Variants in ABLIM3 observed in about 807,000 individuals in gnomAD.
The protein encoded by ABLIM3 is actin binding LIM protein family member 3.
ABLIM3 carries 61 observed loss-of-function variants against 109.5 expected under a neutral mutation model. The ratio of observed to expected loss-of-function variants is 0.56; its 90% CI spans 0.45 to 0.69. The LOEUF is 0.69. Ranked by LOEUF, ABLIM3 falls within the 30% of genes least tolerant of loss-of-function variation. The pLI is 0.00. For missense variants in ABLIM3, 796 were observed against 889.5 expected (o/e 0.89, Z 1.34); for synonymous variants, 300 against 324.8 (o/e 0.92, Z 0.82).
At chr5:149,252,136 G>A in intron 21 of ABLIM3, 65 bp from the exon 22 acceptor site, 1 of 1,597,134 alleles carries the variant, frequency 6.3e-7, no homozygotes, top group Non-Finnish European at 8.6e-7. Flanking sequence ...AGAGGCCTGT[G>A]TAGTGATGCA....
At chr5:149,174,043 A>G (rs995290209) in intron 2 of ABLIM3, among the ~76,000 whole-genome samples, 1 of 150,944 alleles carries the variant, frequency 6.6e-6, no homozygotes, top group Non-Finnish European at 1.5e-5. Context: ...AAAAAAAAAA[A>G]AAGAAGTAGG....
intron 3 of ABLIM3, among the ~76,000 whole-genome samples, chr5:149,190,926 A>G (rs1413381764): frequency 6.6e-6 from 1 of 152,176 alleles, no homozygotes; most frequent in Non-Finnish European, 1.5e-5. Flanking sequence ...TGTATCAAAA[A>G]CTTGCATTAC....
At position 149,252,740 on chromosome 5, in the gene ABLIM3, C is replaced by T. The variant is rs779497053; in HGVS notation, c.1858-17C>T. The T allele has an allele frequency of 4.4e-6, 7 of 1,604,110 alleles. No individual in the cohort carries two copies. In the South Asian group the frequency reaches 7.7e-5, roughly 18 times the overall value. The stretch of plus-strand genomic sequence containing the variant: ...CCACCCTCACCCAAGCTGGAGACCA[C>T]CCCCCTTTCTCCTTAGATCTACCCT... On this transcript the variant is annotated splice_polypyrimidine_tract_variant and intron_variant, in intron 22 of 23. Transcript: ENST00000309868.
rs1188514202 is a variant in ABLIM3, at chr5:149,226,958, T to C, written c.758-3691T>C. On this transcript the variant is annotated intron_variant, in intron 8 of 23. Transcript: ENST00000309868. ...TGTAGTGCATGTCTGTAATCCCAGCTACTCAGGAGGCTGAGGCAGGAGAAT... is the reference window on the plus strand; with the variant it reads ...TGTAGTGCATGTCTGTAATCCCAGCCACTCAGGAGGCTGAGGCAGGAGAAT... Among the ~76,000 whole-genome samples the C allele has an allele frequency of 2.7e-5, 4 of 150,608 alleles. No homozygotes were observed. In the East Asian group the frequency reaches 7.9e-4, roughly 30 times the overall value.
chr5:149,146,090 T>C (rs970050833), intron 2 of ABLIM3, among the ~76,000 whole-genome samples: 1 of 152,210 alleles, frequency 6.6e-6, no homozygotes. Flanking sequence ...CCCACTTCTA[T>C]GTCTTCTTTT....
At chr5:149,231,793 T>C (rs1039766289) in intron 9 of ABLIM3, among the ~76,000 whole-genome samples, 1 of 152,216 alleles carries the variant, frequency 6.6e-6, no homozygotes, top group Non-Finnish European at 1.5e-5. Flanking sequence ...GCACCACCTG[T>C]TTCATTATAT....
chr5:149,168,501 A>G (rs1755039410), intron 2 of ABLIM3, among the ~76,000 whole-genome samples: 1 of 152,192 alleles, frequency 6.6e-6, no homozygotes, highest in Non-Finnish European at 1.5e-5. Context: ...CAGCATAGCC[A>G]CCTGTGTTGT....
chr5:149,195,946 G>A (rs1031083180), intron 3 of ABLIM3, among the ~76,000 whole-genome samples: 2 of 152,220 alleles, frequency 1.3e-5, no homozygotes, highest in Admixed American at 6.5e-5. Context: ...AGCGCTAAAG[G>A]AAGCTTTTCT....
intron 10 of ABLIM3, among the ~76,000 whole-genome samples, chr5:149,235,375 C>T (rs1253597402): frequency 6.6e-6 from 1 of 152,162 alleles, no homozygotes; most frequent in East Asian, 1.9e-4. Flanking sequence ...CAGGTTCTTT[C>T]AAACTTTCAA....
intron 8 of ABLIM3, among the ~76,000 whole-genome samples, chr5:149,225,919 A>G (rs1402855647): frequency 2.3e-5 from 1 of 43,104 alleles, no homozygotes; most frequent in Non-Finnish European, 5.2e-5. Flanking sequence ...ATTCCATCAT[A>G]TATACATATA....
At chr5:149,234,748 T>G (rs1762182173) in intron 10 of ABLIM3, among the ~76,000 whole-genome samples, 1 of 152,154 alleles carries the variant, frequency 6.6e-6, no homozygotes, top group Non-Finnish European at 1.5e-5. Context: ...CACAGCAGGA[T>G]TAATGGGCTT....
intron 7 of ABLIM3, among the ~76,000 whole-genome samples, chr5:149,212,074 T>C (rs1759610753): frequency 6.6e-6 from 1 of 152,138 alleles, no homozygotes; most frequent in South Asian, 2.1e-4. Context: ...TGTAGGACTT[T>C]GTAGACCATG....
intron 2 of ABLIM3, among the ~76,000 whole-genome samples, chr5:149,172,204 A>G (rs1374670947): frequency 6.6e-6 from 1 of 152,210 alleles, no homozygotes; most frequent in Admixed American, 6.5e-5. Flanking sequence ...TGCAAATAAC[A>G]TTTTTTAATG....
rs187892012 is a variant in ABLIM3 at position 149,252,810 on chromosome 5, C to G, written c.1911C>G (p.Pro637=). The G allele has an allele frequency of 6.2e-7, 1 of 1,613,268 alleles. No individual in the cohort carries two copies. Among genetic ancestry groups the G allele is most frequent in the Non-Finnish European group, 8.5e-7 (1 of 1,179,554 alleles). Residue 637 remains proline, a synonymous_variant, in exon 23 of 24, where the codon CCC becomes CCG. Transcript: ENST00000309868. The stretch of plus-strand genomic sequence containing the variant: ...CTACAAGAGGAAGAAACCGACTGCC[C>G]AAGGATGTAGACAGGACCCGTTTAG... The part of the protein sequence containing the change: ...LVTTRGRNRL[P]KDVDRTRLER...
At chr5:149,229,248 T>C (rs926123175) in intron 8 of ABLIM3, among the ~76,000 whole-genome samples, 3 of 152,204 alleles carry the variant, frequency 2.0e-5, no homozygotes, top group African/African-American at 4.8e-5. Flanking sequence ...CTGAGAACCA[T>C]TGCATTTTAC....
At chr5:149,240,633 T>G in intron 13 of ABLIM3, 43 bp from the exon 14 acceptor site, 1 of 1,512,604 alleles carries the variant, frequency 6.6e-7, no homozygotes, top group Non-Finnish European at 9.2e-7. Flanking sequence ...CTGTTTTCTC[T>G]GTGCCTCTGT....
chr5:149,227,070 CAAAAA>C (rs70973514), intron 8 of ABLIM3, among the ~76,000 whole-genome samples: 3,427 of 96,194 alleles, frequency 0.036, 73 homozygotes, highest in South Asian at 0.059. Context: ...AACTCCATCT[CAAAAA>C]AAAAAAAAAA....
chr5:149,166,358 A>G (rs1358089316), intron 2 of ABLIM3, among the ~76,000 whole-genome samples: 1 of 152,184 alleles, frequency 6.6e-6, no homozygotes, highest in South Asian at 2.1e-4. Flanking sequence ...TGGCATAGTG[A>G]TCATGCAGCC....
At chr5:149,233,860 T>G (rs1294868131) in intron 10 of ABLIM3, among the ~76,000 whole-genome samples, 1 of 152,204 alleles carries the variant, frequency 6.6e-6, no homozygotes, top group African/African-American at 2.4e-5. Context: ...AGCTCCCATC[T>G]CCACAGGCAT....
Sources: gnomAD v4.1 joint callset for allele counts (sites outside exome capture counted in the v4.1 genomes callset) on GRCh38, gnomAD v4.1.1 for gene constraint, MANE v1.5 for transcripts, NCBI Gene and HGNC (gene_info 2026-07-23, HGNC 2026-07-21) for gene names.